RBFOX1: variants seen among roughly 807,000 people sequenced by gnomAD.
The protein encoded by RBFOX1 is RNA binding fox-1 homolog 1.
RBFOX1 carries 8 observed loss-of-function variants against 57.7 expected under a neutral mutation model. The ratio of observed to expected loss-of-function variants is 0.14; its 90% CI spans 0.08 to 0.25. RBFOX1 has a LOEUF of 0.25. RBFOX1 is among the 10% of genes least tolerant of loss of function. The probability of loss-of-function intolerance (pLI) is 1.00; values close to 1 mark genes in which losing one functional copy is unlikely to be tolerated. For synonymous variants in RBFOX1, 326 were observed against 222.4 expected, an observed-to-expected ratio of 1.47 and a Z score of -4.15; for missense variants, 611 against 548.5, an observed-to-expected ratio of 1.11 and a Z score of -1.14.
intron 3 of RBFOX1, among the ~76,000 whole-genome samples, chr16:5,787,279 A>T (rs922243756): frequency 6.6e-6 from 1 of 152,162 alleles, no homozygotes; most frequent in African/African-American, 2.4e-5. Context: ...CTGCTTGGGG[A>T]TCTGTTCATC....
intron 4 of RBFOX1, among the ~76,000 whole-genome samples, chr16:7,093,944 C>T (rs560221801): frequency 2.0e-5 from 3 of 151,350 alleles, no homozygotes; most frequent in South Asian, 4.2e-4. Context: ...CTATATAAGG[C>T]GTATATAATT....
intron 4 of RBFOX1, among the ~76,000 whole-genome samples, chr16:5,985,191 A>G (rs1362143781): frequency 6.6e-6 from 1 of 150,692 alleles, no homozygotes; most frequent in Non-Finnish European, 1.5e-5. Flanking sequence ...GCGGGGTTTC[A>G]CCGTGTTAGC....
chr16:7,128,528 C>T (rs1435028600), intron 4 of RBFOX1, among the ~76,000 whole-genome samples: 5 of 152,144 alleles, frequency 3.3e-5, no homozygotes, highest in African/African-American at 1.2e-4. Flanking sequence ...GCCTGGTTCA[C>T]TTAGTGAGGT....
chr16:6,851,752 C>A (rs1394131893), intron 3 of RBFOX1, among the ~76,000 whole-genome samples: 1 of 152,058 alleles, frequency 6.6e-6, no homozygotes, highest in Admixed American at 6.6e-5. Flanking sequence ...AAGACTGGAA[C>A]TCACAGGCAG....
chr16:5,754,353 T>G (rs2053323379), intron 3 of RBFOX1, among the ~76,000 whole-genome samples: 1 of 152,140 alleles, frequency 6.6e-6, no homozygotes, highest in Non-Finnish European at 1.5e-5. Flanking sequence ...GCTCCTATTG[T>G]TAGGAAGGAA....
chr16:7,105,360 A>T (rs891112971), intron 4 of RBFOX1, among the ~76,000 whole-genome samples: 5 of 151,044 alleles, frequency 3.3e-5, no homozygotes, highest in African/African-American at 9.8e-5. Flanking sequence ...GTTTCGGGGA[A>T]CGGGTGGTGT....
In RBFOX1 at chr16:6,886,285, C is replaced by T. The variant is rs528666467; in HGVS notation, c.-15-165772C>T. Among the ~76,000 whole-genome samples the T allele has an allele frequency of 5.9e-5, 9 of 151,988 alleles. No homozygotes were observed. The South Asian group carries it at 1.9e-3, about 32-fold the overall frequency. ...CCATGTTGGCCAGGATAGTCTCGAT[C>T]TCTTGACCTCACGTGATCTGCCCAC... On this transcript the variant is annotated intron_variant, in intron 3 of 15. Transcript: ENST00000550418.
At chr16:6,985,543 C>T (rs1416003746) in intron 3 of RBFOX1, among the ~76,000 whole-genome samples, 2 of 152,090 alleles carry the variant, frequency 1.3e-5, no homozygotes, top group Non-Finnish European at 2.9e-5. Context: ...AAAGATTAGA[C>T]AGGGCTGGGA....
intron 4 of RBFOX1, among the ~76,000 whole-genome samples, chr16:7,390,835 C>A (rs527277372): frequency 6.6e-6 from 1 of 151,856 alleles, no homozygotes; most frequent in Non-Finnish European, 1.5e-5. Context: ...TTCCAACAAT[C>A]GAGTTGTTTG....
intron 2 of RBFOX1, among the ~76,000 whole-genome samples, chr16:6,386,194 C>G (rs1000918372): frequency 2.0e-5 from 3 of 152,194 alleles, no homozygotes; most frequent in Non-Finnish European, 1.5e-5. Context: ...CTCGGCCTCC[C>G]AAAGTGCTCG....
chr16:7,108,457 T>A (rs577039071), intron 4 of RBFOX1, among the ~76,000 whole-genome samples: 10 of 152,220 alleles, frequency 6.6e-5, no homozygotes, highest in Non-Finnish European at 1.0e-4. Context: ...AATTGATTCA[T>A]CCATTCATTG....
At chr16:7,094,233 C>A (rs1266629108) in intron 4 of RBFOX1, among the ~76,000 whole-genome samples, 2 of 151,990 alleles carry the variant, frequency 1.3e-5, no homozygotes, top group East Asian at 3.9e-4. Context: ...CTTGTGTCCC[C>A]ATTCAGAGAA....
intron 3 of RBFOX1, among the ~76,000 whole-genome samples, chr16:5,761,630 C>G (rs2053593256): frequency 6.6e-6 from 1 of 152,150 alleles, no homozygotes; most frequent in African/African-American, 2.4e-5. Context: ...ATCACAAGAA[C>G]AACATGAGGG....
At chr16:5,888,945 C>G (rs538469488) in intron 4 of RBFOX1, among the ~76,000 whole-genome samples, 1 of 152,096 alleles carries the variant, frequency 6.6e-6, no homozygotes, top group Non-Finnish European at 1.5e-5. Context: ...GGGAAGATCT[C>G]TTCATCCTCT....
intron 4 of RBFOX1, among the ~76,000 whole-genome samples, chr16:5,977,915 C>A (rs1372162213): frequency 4.6e-5 from 7 of 151,614 alleles, no homozygotes; most frequent in African/African-American, 1.7e-4. Flanking sequence ...TCCTTTATTC[C>A]CTGCTAAAAT....
intron 4 of RBFOX1, among the ~76,000 whole-genome samples, chr16:5,916,792 G>T (rs1169624023): frequency 6.6e-6 from 1 of 152,120 alleles, no homozygotes; most frequent in Non-Finnish European, 1.5e-5. Context: ...CTTCTCAAAG[G>T]CACAACCCCT....
chr16:5,911,449 G>A (rs115373662), intron 4 of RBFOX1, among the ~76,000 whole-genome samples: 148 of 152,202 alleles, frequency 9.7e-4, no homozygotes, highest in African/African-American at 3.4e-3. Context: ...AGCATTTCAC[G>A]CTTCATCCCC....
At position 5,279,242 on chromosome 16, in the gene RBFOX1, C is replaced by A. The variant is rs1419032880; in HGVS notation, c.219+39137C>A. ...GAGATGCTTTTCCATTTGTTTGTGTCCTTCTCAATTTATTTTATCAGTGTT... is the reference window on the plus strand; with the variant it reads ...GAGATGCTTTTCCATTTGTTTGTGTACTTCTCAATTTATTTTATCAGTGTT... On this transcript the variant is annotated intron_variant, in intron 1 of 2. Coordinates refer to the RBFOX1 transcript ENST00000585867. Among the ~76,000 whole-genome samples, 4 of 152,090 alleles carry A rather than the reference C, an allele frequency of 2.6e-5. No homozygotes were observed. In the East Asian group the frequency reaches 7.7e-4, roughly 29 times the overall value.
At chr16:6,990,575 C>G (rs1024720844) in intron 3 of RBFOX1, among the ~76,000 whole-genome samples, 1 of 152,048 alleles carries the variant, frequency 6.6e-6, no homozygotes. Context: ...GATACTGTGT[C>G]CCATAAAATA....
Sources: allele counts gnomAD v4.1 joint callset (sites outside exome capture counted in the v4.1 genomes callset), GRCh38; gene constraint gnomAD v4.1.1; transcripts MANE v1.5; gene names NCBI Gene and HGNC (gene_info 2026-07-23, HGNC 2026-07-21).